Variants in PARD3B observed in about 807,000 individuals in gnomAD.
PARD3B encodes the protein par-3 family cell polarity regulator beta.
In PARD3B, 103 loss-of-function variants were observed where a neutral mutation model predicts 130.2. The observed-to-expected ratio is 0.79, with a 90% CI of 0.67 to 0.93. The LOEUF is 0.93. Ranked by LOEUF, PARD3B falls within the 40% of genes least tolerant of loss-of-function variation. The pLI is 0.00. For missense variants in PARD3B, 1,609 were observed against 1,499.2 expected (o/e 1.07, Z -1.21); for synonymous variants, 583 against 553.2 (o/e 1.05, Z -0.76).
chr2:205,211,661 A>G (rs866862434), intron 15 of PARD3B, among the ~76,000 whole-genome samples: 6 of 152,138 alleles, frequency 3.9e-5, no homozygotes, highest in Admixed American at 6.6e-5. Context: ...TCTAGTGTTC[A>G]TAAGAAAAGG....
At chr2:205,110,971 C>T (rs1261130787) in intron 5 of PARD3B, among the ~76,000 whole-genome samples, 1 of 152,240 alleles carries the variant, frequency 6.6e-6, no homozygotes, top group African/African-American at 2.4e-5. Context: ...GAGATCTCTA[C>T]AGAGCACAAC....
chr2:205,400,903 T>G (rs1466513133), intron 18 of PARD3B, 110 bp from the exon 19 acceptor site: 10 of 705,246 alleles, frequency 1.4e-5, no homozygotes, highest in Middle Eastern at 5.6e-4. Flanking sequence ...GATCTTGACT[T>G]ACTTAGAATA....
Position 205,381,020 on chromosome 2 carries a change from TA to T in PARD3B, c.2631-19992del, listed in dbSNP as rs1455965788. On this transcript the variant is annotated intron_variant, in intron 18 of 22. Transcript: ENST00000406610. ...GAATATATATAATATAAAGAATATA[TA>T]TGATATATTATATATAAAGAATATA... Among the ~76,000 whole-genome samples, 47 of 33,308 alleles carry T rather than the reference TA, an allele frequency of 1.4e-3. 3 individuals carry two copies. The highest frequency in any genetic ancestry group is 2.3e-3 in the African/African-American group (30 of 12,990). 21.9% of individuals were successfully genotyped at this position (33,308 alleles called of 152,430 possible).
intron 19 of PARD3B, among the ~76,000 whole-genome samples, chr2:205,410,112 C>A (rs1011963386): frequency 6.6e-6 from 1 of 152,066 alleles, no homozygotes; most frequent in Non-Finnish European, 1.5e-5. Context: ...TTTGATTTTT[C>A]TTTTATTTTG....
rs777104113 is a variant in PARD3B at position 205,287,108 on chromosome 2, G to A, written c.2186-13422G>A. Among the ~76,000 whole-genome samples the A allele has an allele frequency of 2.0e-5, 3 of 152,156 alleles. No homozygotes were observed. The highest frequency in any genetic ancestry group is 2.9e-5 in the Non-Finnish European group (2 of 68,028). ...CTGGTGTCAGACACACTTCTCACTG[G>A]TGTGGTTAGCTCTGTACTCACCATT... On this transcript the variant is annotated intron_variant, in intron 16 of 22. Transcript: ENST00000406610. This position sits in a 1 kb window ranked among gnomAD's most constrained non-coding sequence, Gnocchi z 4.8.
chr2:204,931,595 ATTG>A (rs1161770750), intron 2 of PARD3B, among the ~76,000 whole-genome samples: 2 of 134,022 alleles, frequency 1.5e-5, no homozygotes, highest in Non-Finnish European at 3.5e-5. Flanking sequence ...GAAATTAACA[ATTG>A]TTTTTTTTTT....
chr2:204,980,119 A>C (rs186901674), intron 3 of PARD3B, among the ~76,000 whole-genome samples: 2 of 152,338 alleles, frequency 1.3e-5, no homozygotes, highest in East Asian at 3.9e-4. Flanking sequence ...AACTCCTAAA[A>C]GTCATAAGAG....
chr2:205,186,887 T>C (rs1014304952), intron 14 of PARD3B, among the ~76,000 whole-genome samples: 1 of 152,180 alleles, frequency 6.6e-6, no homozygotes, highest in Admixed American at 6.5e-5. Context: ...AAAATGACAA[T>C]TTGGTGGCAT....
In PARD3B at chr2:204,997,962, GTA is replaced by G. The variant is rs151335901; in HGVS notation, c.394+32651_394+32652del. ...TTTGTTATATATAGTGAGTGTATGT[GTA>G]TATATATATATGTGCATATATACAC... is the stretch of plus-strand genomic sequence containing the variant. On this transcript the variant is annotated intron_variant, in intron 3 of 22. Transcript: ENST00000406610. Among the ~76,000 whole-genome samples, 369 of 147,622 alleles carry G rather than the reference GTA, an allele frequency of 2.5e-3. 2 individuals carry two copies. The highest frequency in any genetic ancestry group is 8.2e-3 in the African/African-American group (333 of 40,558).
intron 22 of PARD3B, among the ~76,000 whole-genome samples, chr2:205,573,070 A>G (rs993390107): frequency 6.6e-6 from 1 of 152,196 alleles, no homozygotes; most frequent in Non-Finnish European, 1.5e-5. Flanking sequence ...TAAAACCATC[A>G]GATCTCATGA....
intron 21 of PARD3B, among the ~76,000 whole-genome samples, chr2:205,512,394 T>C (rs970284768): frequency 1.3e-5 from 2 of 152,208 alleles, no homozygotes; most frequent in African/African-American, 4.8e-5. Flanking sequence ...TAGTCTCTTT[T>C]CTACTTTCCA....
intron 18 of PARD3B, among the ~76,000 whole-genome samples, chr2:205,339,607 A>G (rs1239100031): frequency 6.6e-6 from 1 of 152,202 alleles, no homozygotes; most frequent in Non-Finnish European, 1.5e-5. Context: ...TGTAATGTTA[A>G]TTTTAGTCAG....
chr2:204,663,618 C>A (rs1420641241), intron 1 of PARD3B, among the ~76,000 whole-genome samples: 2 of 152,116 alleles, frequency 1.3e-5, no homozygotes, highest in Admixed American at 6.5e-5. Context: ...GGTGTGATTC[C>A]TCCTCTTACC....
intron 21 of PARD3B, among the ~76,000 whole-genome samples, chr2:205,533,436 G>GTTAA (rs1212432049): frequency 1.3e-5 from 2 of 151,988 alleles, no homozygotes; most frequent in Non-Finnish European, 2.9e-5. Flanking sequence ...ATTTTCATGG[G>GTTAA]TTAATTCAAA....
At chr2:204,902,793 T>A (rs115823294) in intron 2 of PARD3B, among the ~76,000 whole-genome samples, 3,757 of 152,340 alleles carry the variant, frequency 0.025, 70 homozygotes, top group Non-Finnish European at 0.036. Context: ...AATGAGTTCA[T>A]TTCATCCCTT....
rs1202614385 is a variant in PARD3B at position 205,325,683 on chromosome 2, G to A, written c.2630+23982G>A. On this transcript the variant is annotated intron_variant, in intron 18 of 22. Coordinates refer to ENST00000406610, the MANE Select transcript of PARD3B (RefSeq NM_001302769.2). The surrounding 1 kb of genome is among the most constrained non-coding windows in gnomAD (Gnocchi z 4.1). ...GCTGGGATTGCAAGTATGAGCCACCGTACCCAGCTTCATCCTATTATTTTG... is the reference window on the plus strand; with the variant it reads ...GCTGGGATTGCAAGTATGAGCCACCATACCCAGCTTCATCCTATTATTTTG... Among the ~76,000 whole-genome samples, 7 of 151,902 alleles carry A rather than the reference G, an allele frequency of 4.6e-5. No individual in the cohort carries two copies. The highest frequency in any genetic ancestry group is 9.7e-5 in the African/African-American group (4 of 41,350).
At chr2:205,333,284 A>T (rs2105781938) in intron 18 of PARD3B, among the ~76,000 whole-genome samples, 1 of 152,208 alleles carries the variant, frequency 6.6e-6, no homozygotes, top group Non-Finnish European at 1.5e-5. Flanking sequence ...AATTGAGGGG[A>T]GCTAAAAGAG....
intron 2 of PARD3B, among the ~76,000 whole-genome samples, chr2:204,789,849 G>A (rs1252313595): frequency 6.7e-6 from 1 of 150,042 alleles, no homozygotes; most frequent in African/African-American, 2.5e-5. Context: ...CTAACTTGGT[G>A]AAGGTGAATT....
rs368464665 is a variant in PARD3B, at chr2:204,937,313, C to T, written c.223-27839C>T. On this transcript the variant is annotated intron_variant, in intron 2 of 22. Coordinates refer to ENST00000406610, the MANE Select transcript of PARD3B (RefSeq NM_001302769.2). Reference sequence around the variant, plus strand: ...AACAGGACGTTTTCAGCACTGTTGCCCCTCTGACACCCATTCAGCTTGGTC... The same window carrying T: ...AACAGGACGTTTTCAGCACTGTTGCTCCTCTGACACCCATTCAGCTTGGTC... 4.6e-5 allele frequency among the ~76,000 whole-genome samples: 7 copies of T among 152,292 alleles called. No individual in the cohort carries two copies. The South Asian group carries it at 1.5e-3, about 32-fold the overall frequency.
Sources: gnomAD v4.1 joint callset for allele counts (sites outside exome capture counted in the v4.1 genomes callset) on GRCh38, gnomAD v4.1.1 for gene constraint, Gnocchi (gnomAD v3.1) non-coding constraint, MANE v1.5 for transcripts, NCBI Gene and HGNC (gene_info 2026-07-23, HGNC 2026-07-21) for gene names.